Variants in PPARD observed in about 807,000 individuals in gnomAD.
The protein encoded by PPARD is peroxisome proliferator-activated receptor delta.
Under a neutral mutation model 39.5 loss-of-function variants are expected in PPARD, and 6 were observed. That is an observed-to-expected ratio of 0.15 (90% CI 0.08 to 0.30). The LOEUF (loss-of-function observed/expected upper bound fraction) is 0.30, where lower values mean the gene tolerates loss of function less well. Ranked by LOEUF, PPARD falls within the 10% of genes least tolerant of loss-of-function variation. The pLI, the probability that PPARD is intolerant of heterozygous loss-of-function variation, is 1.00. For missense variants in PPARD, 397 were observed against 596.8 expected (o/e 0.67, Z 3.49); for synonymous variants, 210 against 231.3 (o/e 0.91, Z 0.83).
At chr6:35,386,597 TCAAGACTCCTGC>T (rs1166655641) in intron 2 of PPARD, among the ~76,000 whole-genome samples, 1 of 152,124 alleles carries the variant, frequency 6.6e-6, no homozygotes, top group Non-Finnish European at 1.5e-5. Flanking sequence ...AACTTCAAGG[TCAAGACTCCTGC>T]CAAGACTCCA....
chr6:35,408,041 C>T (rs759569935), intron 2 of PPARD, among the ~76,000 whole-genome samples: 2 of 152,144 alleles, frequency 1.3e-5, no homozygotes, highest in Non-Finnish European at 2.9e-5. Context: ...GTCTGGAGGC[C>T]GGCATTGCAG....
chr6:35,384,353 T>A (rs1260016445), intron 2 of PPARD, among the ~76,000 whole-genome samples: 1 of 124,338 alleles, frequency 8.0e-6, no homozygotes. Flanking sequence ...GTCTGGGAGG[T>A]GAGGGGCGCC....
At chr6:35,352,400 G>C (rs767422300) in intron 2 of PPARD, among the ~76,000 whole-genome samples, 2 of 151,746 alleles carry the variant, frequency 1.3e-5, no homozygotes, top group African/African-American at 4.8e-5. Flanking sequence ...TGGTCAGGCC[G>C]GTCTCGAACT....
rs370846862 is a variant in PPARD, at chr6:35,379,545, A to C, written c.-101-31442A>C. Among the ~76,000 whole-genome samples the C allele has an allele frequency of 2.0e-5, 3 of 152,382 alleles. No homozygotes were observed. The East Asian group carries it at 5.8e-4, about 29-fold the overall frequency. On this transcript the variant is annotated intron_variant, in intron 2 of 7. Coordinates refer to ENST00000360694, the MANE Select transcript of PPARD (RefSeq NM_006238.5). ...GAAGATACGGAAATAGTAATGCCAC[A>C]AGTCCCTCTTCTTAGAGAGGAGAGC...
intron 2 of PPARD, among the ~76,000 whole-genome samples, chr6:35,388,357 C>T (rs1036225909): frequency 5.9e-5 from 9 of 152,034 alleles, no homozygotes; most frequent in Non-Finnish European, 8.8e-5. Flanking sequence ...CAGCACGTGC[C>T]GCGGGGGCAG....
intron 2 of PPARD, among the ~76,000 whole-genome samples, chr6:35,390,761 A>T (rs1007597776): frequency 1.3e-5 from 2 of 152,112 alleles, no homozygotes; most frequent in Non-Finnish European, 2.9e-5. Context: ...AGTGGCTCAC[A>T]CCTGTAATCC....
At chr6:35,381,272 T>C (rs1763139358) in intron 2 of PPARD, among the ~76,000 whole-genome samples, 1 of 152,184 alleles carries the variant, frequency 6.6e-6, no homozygotes, top group South Asian at 2.1e-4. Flanking sequence ...AAATTATCGT[T>C]ACGTTACAAA....
rs142412874 is a variant in PPARD at position 35,380,528 on chromosome 6, G to A, written c.-101-30459G>A. Among the ~76,000 whole-genome samples, 50 of 112,696 alleles carry A rather than the reference G, an allele frequency of 4.4e-4. 1 individual carries two copies. In the East Asian group the frequency reaches 0.011, roughly 24 times the overall value. 73.9% of individuals were successfully genotyped at this position (112,696 alleles called of 152,430 possible). On this transcript the variant is annotated intron_variant, in intron 2 of 7. Transcript: ENST00000360694. Reference sequence around the variant, plus strand: ...TTTTGAGACAAGGTCTTACTTTGTCGCCCAGGCTGTAGTGCAGTAGCACAA... The same window carrying A: ...TTTTGAGACAAGGTCTTACTTTGTCACCCAGGCTGTAGTGCAGTAGCACAA...
At chr6:35,369,884 C>G (rs926412678) in intron 2 of PPARD, among the ~76,000 whole-genome samples, 1 of 152,132 alleles carries the variant, frequency 6.6e-6, no homozygotes, top group African/African-American at 2.4e-5. Flanking sequence ...CTCTGTCTCC[C>G]CTACTACTTG....
intron 2 of PPARD, among the ~76,000 whole-genome samples, chr6:35,347,749 T>C (rs1209705660): frequency 1.3e-5 from 2 of 150,666 alleles, no homozygotes; most frequent in Admixed American, 1.3e-4. Flanking sequence ...GCTGGGATTA[T>C]AGGCACCTGC....
intron 2 of PPARD, among the ~76,000 whole-genome samples, chr6:35,365,130 C>CCTTTTTTTTT (rs1281072287): frequency 2.5e-5 from 3 of 121,088 alleles, no homozygotes; most frequent in African/African-American, 1.0e-4. Context: ...CTTCCTTATT[C>CCTTTTTTTTT]TTTTTTTTTT....
At chr6:35,407,917 G>A (rs1249667431) in intron 2 of PPARD, among the ~76,000 whole-genome samples, 2 of 151,960 alleles carry the variant, frequency 1.3e-5, no homozygotes, top group African/African-American at 4.8e-5. Context: ...CTACTCTTGA[G>A]CTAAGTGTCT....
At chr6:35,350,982 A>G (rs1230191794) in intron 2 of PPARD, among the ~76,000 whole-genome samples, 1 of 151,280 alleles carries the variant, frequency 6.6e-6, no homozygotes, top group Non-Finnish European at 1.5e-5. Flanking sequence ...GCATTCTCAA[A>G]CTTTTTGGCC....
intron 4 of PPARD, 101 bp downstream of exon 4, chr6:35,420,382 G>C (rs1266959140): frequency 2.1e-6 from 3 of 1,422,942 alleles, no homozygotes; most frequent in Non-Finnish European, 1.9e-6. Context: ...GGCCCTGACT[G>C]TACCTATTGC....
In PPARD at chr6:35,426,212, CAT is replaced by C. The variant is rs1766566688; in HGVS notation, c.*134_*135del. The C allele has an allele frequency of 4.0e-6, 5 of 1,255,706 alleles. No homozygotes were observed. Among genetic ancestry groups the C allele is most frequent in the African/African-American group, 3.0e-5 (2 of 66,270 alleles). The allele number at this position is 1,255,706 out of a possible 1,614,324, so 77.8% of individuals were successfully genotyped here. On this transcript the variant is annotated 3_prime_UTR_variant, in exon 8 of 8. Transcript: ENST00000360694. ...AGAGTCCCACGATCGCCCTCAGACA[CAT>C]GACACCCACGGCCTCTGGCTCCCTG...
At chr6:35,397,183 C>T (rs1274591826) in intron 2 of PPARD, among the ~76,000 whole-genome samples, 3 of 149,178 alleles carry the variant, frequency 2.0e-5, no homozygotes, top group African/African-American at 5.0e-5. Flanking sequence ...CACCTCCCCA[C>T]CCCCACCCTG....
At chr6:35,397,560 C>T (rs199550022) in intron 2 of PPARD, 45 of 985,122 alleles carry the variant, frequency 4.6e-5, no homozygotes, top group East Asian at 3.4e-4. Flanking sequence ...AACTGAAGCC[C>T]GTGGAGCAGT....
At chr6:35,400,267 A>G (rs774272499) in intron 2 of PPARD, among the ~76,000 whole-genome samples, 17 of 152,100 alleles carry the variant, frequency 1.1e-4, no homozygotes, top group Non-Finnish European at 1.9e-4. Context: ...CCTTCTCCTT[A>G]CCACCAGCCT....
Position 35,424,502 on chromosome 6 carries a change from C to T in PPARD, c.801C>T (p.Ile267=). 1 of 1,614,224 alleles carries T rather than the reference C, an allele frequency of 6.2e-7. No homozygotes were observed. The highest frequency in any genetic ancestry group is 8.5e-7 in the Non-Finnish European group (1 of 1,180,046). ...AGCTCACTGAGTTCGCCAAGAGCAT[C>T]CCCAGCTTCAGCAGCCTCTTCCTCA... ...VRELTEFAKS[I]PSFSSLFLND... The change falls in exon 7 of 8, where the codon ATC becomes ATT. Residue 267 remains isoleucine (I), a synonymous_variant. Coordinates refer to ENST00000360694, the MANE Select transcript of PPARD (RefSeq NM_006238.5). The surrounding 1 kb of genome is among the most constrained non-coding windows in gnomAD (Gnocchi z 7.1).
Sources: gnomAD v4.1 joint callset for allele counts (sites outside exome capture counted in the v4.1 genomes callset) on GRCh38, gnomAD v4.1.1 for gene constraint, Gnocchi (gnomAD v3.1) non-coding constraint, MANE v1.5 for transcripts, NCBI Gene and HGNC (gene_info 2026-07-23, HGNC 2026-07-21) for gene names.